The following CACNA2D4 variants were observed in gnomAD, a reference collection of about 807,000 sequenced individuals.
CACNA2D4 encodes calcium voltage-gated channel auxiliary subunit alpha2delta 4.
Under a neutral mutation model 163.8 loss-of-function variants are expected in CACNA2D4, and 157 were observed. The ratio of observed to expected loss-of-function variants is 0.96; its 90% CI spans 0.84 to 1.09. The LOEUF (loss-of-function observed/expected upper bound fraction) is 1.09, where lower values mean the gene tolerates loss of function less well. Among genes scored for constraint, CACNA2D4 ranks in the 50% least tolerant of loss-of-function variants. The probability of loss-of-function intolerance (pLI) is 0.00; values close to 1 mark genes in which losing one functional copy is unlikely to be tolerated. For missense variants in CACNA2D4, 1,410 were observed against 1,479.9 expected, an observed-to-expected ratio of 0.95 and a Z score of 0.78; for synonymous variants, 598 against 586.9, an observed-to-expected ratio of 1.02 and a Z score of -0.27.
rs1864746857 is a variant in CACNA2D4 at position 1,834,120 on chromosome 12, C to T, written c.2551+6619G>A. The T allele has an allele frequency of 1.9e-5, 18 of 931,354 alleles. No individual in the cohort carries two copies. Among genetic ancestry groups the T allele is most frequent in the Non-Finnish European group, 1.5e-6 (1 of 654,230 alleles). The allele number at this position is 931,354 out of a possible 1,614,324, so 57.7% of individuals were successfully genotyped here. On this transcript the variant is annotated intron_variant, in intron 26 of 37. Transcript: ENST00000382722. This position sits in a 1 kb window ranked among gnomAD's most constrained non-coding sequence, Gnocchi z 7.6. ...AATGCTGTTTTCCCTCCTCCGCTTC[C>T]TCTTCTATAGATGGTGATTCCAGGA...
chr12:1,795,533 G>C lies in CACNA2D4; in HGVS notation c.3226+135C>G, dbSNP rs534876661. The C allele has an allele frequency of 2.1e-5, 20 of 940,020 alleles. No individual in the cohort carries two copies. In the Admixed American group the frequency reaches 3.5e-4, roughly 17 times the overall value. The allele number at this position is 940,020 out of a possible 1,614,324, so 58.2% of individuals were successfully genotyped here. On this transcript the variant is annotated intron_variant, in intron 36 of 37. Coordinates refer to ENST00000382722, the MANE Select transcript of CACNA2D4 (RefSeq NM_172364.5). ...AGCACCGGGGCCCAGGGAAGGGTTA[G>C]AGAACAAATAACGGAGCCCTGTGGA...
intron 29 of CACNA2D4, among the ~76,000 whole-genome samples, chr12:1,805,017 C>T (rs1258052754): frequency 6.6e-6 from 1 of 152,202 alleles, no homozygotes. Context: ...CGTGGGATGC[C>T]TTGTCGATTT....
intron 7 of CACNA2D4, 38 bp from the exon 8 acceptor site, chr12:1,886,411 C>G (rs1866148148): frequency 6.3e-7 from 1 of 1,598,466 alleles, no homozygotes; most frequent in Non-Finnish European, 8.5e-7. Context: ...ATGGGAAAAC[C>G]AAAGCCGGAA....
intron 26 of CACNA2D4, among the ~76,000 whole-genome samples, chr12:1,813,651 C>T (rs918352724): frequency 3.3e-5 from 5 of 152,338 alleles, no homozygotes; most frequent in Admixed American, 3.3e-4. Flanking sequence ...ACCTCCCCTC[C>T]CTTGGAGTCT....
At chr12:1,880,008 G>A (rs1565726067) in intron 13 of CACNA2D4, 127 bp from the exon 14 acceptor site, 3 of 601,858 alleles carry the variant, frequency 5.0e-6, no homozygotes, top group Non-Finnish European at 9.0e-6. Context: ...CTTCCCACAG[G>A]AAGGAGGAAA....
intron 26 of CACNA2D4, among the ~76,000 whole-genome samples, chr12:1,824,196 C>T (rs1178951507): frequency 2.6e-5 from 4 of 152,156 alleles, no homozygotes; most frequent in East Asian, 3.8e-4. Flanking sequence ...CCTCGGTGGC[C>T]GTTTGCCCTG....
intron 23 of CACNA2D4, among the ~76,000 whole-genome samples, chr12:1,851,780 G>A (rs2154448184): frequency 6.7e-6 from 1 of 149,300 alleles, no homozygotes; most frequent in African/African-American, 2.5e-5. Flanking sequence ...GACTGACGGT[G>A]TTTTCATTGG....
intron 26 of CACNA2D4, among the ~76,000 whole-genome samples, chr12:1,817,737 C>T (rs61912304): frequency 7.2e-5 from 11 of 151,994 alleles, no homozygotes; most frequent in East Asian, 3.9e-4. Context: ...CCGCCAGCCT[C>T]GGCCTCCCGA....
chr12:1,838,534 T>C (rs559313857), intron 26 of CACNA2D4, among the ~76,000 whole-genome samples: 46 of 152,250 alleles, frequency 3.0e-4, no homozygotes, highest in African/African-American at 1.1e-3. Flanking sequence ...AAAATCATAA[T>C]TGAAGTATCA....
At chr12:1,840,643 C>G in intron 26 of CACNA2D4, 96 bp downstream of exon 26, 1 of 984,710 alleles carries the variant, frequency 1.0e-6, no homozygotes, top group South Asian at 1.4e-5. Flanking sequence ...GACTGTGGCC[C>G]TGGCCACATG....
At chr12:1,850,624 G>A (rs944001464) in intron 23 of CACNA2D4, among the ~76,000 whole-genome samples, 10 of 151,808 alleles carry the variant, frequency 6.6e-5, no homozygotes, top group African/African-American at 2.4e-4. Flanking sequence ...GATGAGGTTG[G>A]CCAGGCGCGG....
At chr12:1,795,854 G>A in intron 35 of CACNA2D4, 74 bp from the exon 36 acceptor site, 2 of 979,644 alleles carry the variant, frequency 2.0e-6, no homozygotes, top group Non-Finnish European at 1.6e-6. Context: ...GGAACTTCTG[G>A]AGACTTTAGT....
At chr12:1,805,896 G>A (rs959965380) in intron 29 of CACNA2D4, among the ~76,000 whole-genome samples, 4 of 152,246 alleles carry the variant, frequency 2.6e-5, no homozygotes, top group South Asian at 2.1e-4. Flanking sequence ...TGGGCGGGCC[G>A]CAGGCGGCAG....
Position 1,907,577 on chromosome 12 carries a change from G to C in CACNA2D4, c.650-6C>G, listed in dbSNP as rs759614080. On this transcript the variant is annotated splice_polypyrimidine_tract_variant and splice_region_variant and intron_variant, in intron 5 of 37. Coordinates refer to ENST00000382722, the MANE Select transcript of CACNA2D4 (RefSeq NM_172364.5). ...TCCATTTAAAATATCTGGGTCTGAA[G>C]GGTGAGACTATAGATTATGATCCTG... 6.2e-7 allele frequency: 1 copy of C among 1,611,086 alleles called. No homozygotes were observed.
rs765088481 is a variant in CACNA2D4, at chr12:1,797,575, T to G, written c.2996-40A>C. 3 of 1,476,180 alleles carry G rather than the reference T, an allele frequency of 2.0e-6. No individual in the cohort carries two copies. The South Asian group carries it at 3.6e-5, about 18-fold the overall frequency. The allele number at this position is 1,476,180 out of a possible 1,614,324, so 91.4% of individuals were successfully genotyped here. A position where few individuals can be genotyped will look rare whatever the true frequency, so the allele number is the denominator to read the frequency against. On this transcript the variant is annotated intron_variant, in intron 34 of 37. Coordinates refer to ENST00000382722, the MANE Select transcript of CACNA2D4 (RefSeq NM_172364.5). ...AGGACATCACGCCACCGAAGGGGCC[T>G]CTGGCCTGCGGTGACCTCGCCTCGG...
Position 1,828,231 on chromosome 12 carries a change from G to A in CACNA2D4, c.2551+12508C>T, listed in dbSNP as rs1419949130. On this transcript the variant is annotated intron_variant, in intron 26 of 37. Transcript: ENST00000382722. This position sits in a 1 kb window ranked among gnomAD's most constrained non-coding sequence, Gnocchi z 4.2. ...CAAGTCTCCTGTGAGTACACCCCTG[G>A]CCTCGGAGGGGGGTGCGGGTTGGGT... The A allele has an allele frequency of 3.3e-6, 5 of 1,524,224 alleles. No individual in the cohort carries two copies. The highest frequency in any genetic ancestry group is 2.5e-5 in the East Asian group (1 of 40,040). 94.4% of individuals were successfully genotyped at this position (1,524,224 alleles called of 1,614,324 possible).
rs1019277842 is a variant in CACNA2D4 at position 1,871,671 on chromosome 12, A to G, written c.1878+2933T>C. Among the ~76,000 whole-genome samples the G allele has an allele frequency of 8.0e-5, 11 of 137,316 alleles. No homozygotes were observed. In the South Asian group the frequency reaches 1.2e-3, roughly 15 times the overall value. 90.1% of individuals were successfully genotyped at this position (137,316 alleles called of 152,430 possible). A position where few individuals can be genotyped will look rare whatever the true frequency, so the allele number is the denominator to read the frequency against. Reference sequence around the variant, plus strand: ...GTGTGTACACGTGTGTGCTGCTGGTATGTGTGTACACATGTGCTGCTGGTG... The same window carrying G: ...GTGTGTACACGTGTGTGCTGCTGGTGTGTGTGTACACATGTGCTGCTGGTG... On this transcript the variant is annotated intron_variant, in intron 18 of 37. Coordinates refer to ENST00000382722, the MANE Select transcript of CACNA2D4 (RefSeq NM_172364.5).
At chr12:1,810,870 TATGC>T (rs1200286468) in intron 27 of CACNA2D4, among the ~76,000 whole-genome samples, 1 of 152,188 alleles carries the variant, frequency 6.6e-6, no homozygotes, top group African/African-American at 2.4e-5. Flanking sequence ...GTGTGCGTGG[TATGC>T]ATGTGGTATG....
intron 29 of CACNA2D4, among the ~76,000 whole-genome samples, chr12:1,807,347 C>T (rs1462088179): frequency 4.6e-5 from 7 of 151,644 alleles, no homozygotes; most frequent in Admixed American, 1.3e-4. Flanking sequence ...CCCTGGGGAC[C>T]TTGATGCTGT....
Sources: gnomAD v4.1 joint callset for allele counts (sites outside exome capture counted in the v4.1 genomes callset) on GRCh38, gnomAD v4.1.1 for gene constraint, Gnocchi (gnomAD v3.1) non-coding constraint, MANE v1.5 for transcripts, NCBI Gene and HGNC (gene_info 2026-07-23, HGNC 2026-07-21) for gene names.